MIPOL1: variants seen among roughly 807,000 people sequenced by gnomAD.
MIPOL1 encodes mirror-image polydactyly 1.
A neutral mutation model predicts 60.9 loss-of-function variants in MIPOL1; 57 were observed. That is an observed-to-expected ratio of 0.94 (90% CI 0.76 to 1.17). The LOEUF (loss-of-function observed/expected upper bound fraction) is 1.17, where lower values mean the gene tolerates loss of function less well. MIPOL1 is among the 50% of genes most tolerant of loss of function. The pLI is 0.00. For synonymous variants in MIPOL1, 179 were observed against 168.8 expected (o/e 1.06, Z -0.47); for missense variants, 551 against 511.6 (o/e 1.08, Z -0.74).
At chr14:37,257,731 A>G (rs934339809) in intron 3 of MIPOL1, among the ~76,000 whole-genome samples, 1 of 152,146 alleles carries the variant, frequency 6.6e-6, no homozygotes, top group Non-Finnish European at 1.5e-5. Context: ...GTGGAGAAAA[A>G]TTAAAGTAGT....
At chr14:37,214,744 G>C (rs747369816) in intron 1 of MIPOL1, among the ~76,000 whole-genome samples, 3 of 152,168 alleles carry the variant, frequency 2.0e-5, no homozygotes, top group Non-Finnish European at 4.4e-5. Flanking sequence ...CGCCTGGACA[G>C]GGCTACTAGA....
chr14:37,272,266 C>A (rs1050306950), intron 6 of MIPOL1, among the ~76,000 whole-genome samples: 1 of 151,448 alleles, frequency 6.6e-6, no homozygotes, highest in Non-Finnish European at 1.5e-5. Context: ...AATGAAAATT[C>A]CCAAAGTTGT....
At chr14:37,244,169 G>A in intron 1 of MIPOL1, among the ~76,000 whole-genome samples, 1 of 124,734 alleles carries the variant, frequency 8.0e-6, no homozygotes, top group South Asian at 2.9e-4. Flanking sequence ...CACCAGGATG[G>A]AGTGCAGTGG....
intron 9 of MIPOL1, among the ~76,000 whole-genome samples, chr14:37,364,979 G>C (rs1050694330): frequency 6.6e-6 from 1 of 152,014 alleles, no homozygotes; most frequent in African/African-American, 2.4e-5. Context: ...AAATGGGAGT[G>C]TTTTCTAAAA....
At chr14:37,466,549 AATTTCACTCTAT>A (rs2094600419) in intron 11 of MIPOL1, among the ~76,000 whole-genome samples, 1 of 152,218 alleles carries the variant, frequency 6.6e-6, no homozygotes. Flanking sequence ...TAGTGCACCA[AATTTCACTCTAT>A]GCAATGCCAT....
intron 11 of MIPOL1, among the ~76,000 whole-genome samples, chr14:37,430,794 A>G (rs922490263): frequency 6.6e-6 from 1 of 152,212 alleles, no homozygotes; most frequent in Non-Finnish European, 1.5e-5. Flanking sequence ...GTCTTGAGAC[A>G]TAAGACAATT....
At chr14:37,341,151 A>C (rs2090542212) in intron 9 of MIPOL1, among the ~76,000 whole-genome samples, 1 of 152,200 alleles carries the variant, frequency 6.6e-6, no homozygotes, top group Non-Finnish European at 1.5e-5. Context: ...TCCATTGTTA[A>C]GCAATGTATT....
chr14:37,227,037 AC>A (rs1287512890), intron 1 of MIPOL1, among the ~76,000 whole-genome samples: 1 of 152,130 alleles, frequency 6.6e-6, no homozygotes, highest in Non-Finnish European at 1.5e-5. Context: ...GAGCTAGGGA[AC>A]TCATAAGGCA....
intron 9 of MIPOL1, among the ~76,000 whole-genome samples, chr14:37,353,156 G>A (rs1423703994): frequency 1.4e-5 from 2 of 144,980 alleles, no homozygotes; most frequent in African/African-American, 5.2e-5. Flanking sequence ...TGCATCTATT[G>A]AGATAATCAT....
chr14:37,342,766 C>T (rs564003742), intron 9 of MIPOL1, among the ~76,000 whole-genome samples: 76 of 152,032 alleles, frequency 5.0e-4, no homozygotes, highest in African/African-American at 1.7e-3. Flanking sequence ...GATAGTATTA[C>T]GAAGAATGAT....
chr14:37,370,543 A>T (rs2092610994), intron 10 of MIPOL1, among the ~76,000 whole-genome samples: 1 of 152,182 alleles, frequency 6.6e-6, no homozygotes, highest in South Asian at 2.1e-4. Flanking sequence ...TAGCTGTGTA[A>T]TTCACTAAGC....
chr14:37,255,616 C>G (rs1974797113), intron 3 of MIPOL1, among the ~76,000 whole-genome samples: 1 of 151,684 alleles, frequency 6.6e-6, no homozygotes, highest in Middle Eastern at 3.4e-3. Context: ...GGGATAATTT[C>G]AGATACAGTT....
At chr14:37,358,232 T>G (rs919579922) in intron 9 of MIPOL1, among the ~76,000 whole-genome samples, 4 of 152,166 alleles carry the variant, frequency 2.6e-5, no homozygotes, top group Non-Finnish European at 5.9e-5. Flanking sequence ...CTTAATCCAG[T>G]CTATTATTGA....
intron 11 of MIPOL1, among the ~76,000 whole-genome samples, chr14:37,485,444 C>T (rs2094932672): frequency 6.6e-6 from 1 of 152,158 alleles, no homozygotes; most frequent in African/African-American, 2.4e-5. Context: ...TTTACACTCC[C>T]ACCAACAGTG....
intron 12 of MIPOL1, among the ~76,000 whole-genome samples, chr14:37,546,285 C>T (rs1423789958): frequency 6.6e-6 from 1 of 152,054 alleles, no homozygotes; most frequent in African/African-American, 2.4e-5. Context: ...GAAATAGAAA[C>T]GTGTTTTTTT....
At chr14:37,231,879 AG>A (rs1970689124) in intron 1 of MIPOL1, among the ~76,000 whole-genome samples, 1 of 152,120 alleles carries the variant, frequency 6.6e-6, no homozygotes, top group South Asian at 2.1e-4. Context: ...CAGGAGTTAA[AG>A]AACAGCCTGG....
At chr14:37,435,265 A>G (rs2094145837) in intron 11 of MIPOL1, among the ~76,000 whole-genome samples, 1 of 152,092 alleles carries the variant, frequency 6.6e-6, no homozygotes, top group Admixed American at 6.6e-5. Context: ...CAAATATTCT[A>G]GGTGTGCTCC....
intron 9 of MIPOL1, among the ~76,000 whole-genome samples, chr14:37,325,652 C>G (rs1346410960): frequency 6.6e-6 from 1 of 151,082 alleles, no homozygotes; most frequent in Non-Finnish European, 1.5e-5. Flanking sequence ...GAATTCAGTT[C>G]TCATTTATAT....
intron 10 of MIPOL1, among the ~76,000 whole-genome samples, chr14:37,389,827 G>A (rs1012655217): frequency 3.3e-5 from 5 of 151,618 alleles, no homozygotes; most frequent in Non-Finnish European, 5.9e-5. Flanking sequence ...AGTGCCTTAT[G>A]GATATCTGTG....
Sources: gnomAD v4.1 joint callset for allele counts (sites outside exome capture counted in the v4.1 genomes callset) on GRCh38, gnomAD v4.1.1 for gene constraint, MANE v1.5 for transcripts, NCBI Gene and HGNC (gene_info 2026-07-23, HGNC 2026-07-21) for gene names.